Variants in CSMD3 observed in about 807,000 individuals in gnomAD.
The protein encoded by CSMD3 is CUB and sushi domain-containing protein 3.
A neutral mutation model predicts 435.2 loss-of-function variants in CSMD3; 177 were observed. The observed-to-expected ratio is 0.41, with a 90% CI of 0.36 to 0.46. The LOEUF is 0.46. Among genes scored for constraint, CSMD3 ranks in the 20% least tolerant of loss-of-function variants. The pLI is 0.34. For missense variants in CSMD3, 4,265 were observed against 4,504.6 expected (o/e 0.95, Z 1.52); for synonymous variants, 1,656 against 1,520.5 (o/e 1.09, Z -2.07).
chr8:112,583,020 G>A (rs975018120), intron 23 of CSMD3, among the ~76,000 whole-genome samples: 13 of 151,996 alleles, frequency 8.6e-5, no homozygotes, highest in Non-Finnish European at 7.4e-5. Context: ...TGTTATAACA[G>A]CTCACATGAT....
In CSMD3 at chr8:112,550,685, G is replaced by A. The variant is rs1429288035; in HGVS notation, c.4550C>T (p.Ala1517Val). The A allele has an allele frequency of 6.3e-7, 1 of 1,597,082 alleles. No individual in the cohort carries two copies. The highest frequency in any genetic ancestry group is 1.7e-5 in the Admixed American group (1 of 59,840). Residue 1517 changes from alanine to valine, a missense_variant, in exon 27 of 71, where the codon GCA (alanine) becomes GTA (valine). By Grantham distance (64) the Ala-to-Val change is moderately conservative (BLOSUM62 0). This residue lies in a region of CSMD3 where 3,255 missense variants were observed against 3,380.2 expected (regional missense o/e 0.96). Transcript: ENST00000297405. ...AAAAAACTTACTTGAAAACTGAATTGCAAATCCAGATTTGCTAATATAAAA... is the reference window on the plus strand; with the variant it reads ...AAAAAACTTACTTGAAAACTGAATTACAAATCCAGATTTGCTAATATAAAA... ...TDFYISKSGF[A>V]IQFSSSVATA...
chr8:112,402,880 G>T (rs1464881386), intron 35 of CSMD3, among the ~76,000 whole-genome samples: 5 of 152,022 alleles, frequency 3.3e-5, no homozygotes, highest in African/African-American at 1.2e-4. Flanking sequence ...GATTCCTTTA[G>T]TTCAGAATGT....
intron 28 of CSMD3, among the ~76,000 whole-genome samples, chr8:112,513,583 G>A (rs1206846561): frequency 6.6e-6 from 1 of 152,122 alleles, no homozygotes; most frequent in African/African-American, 2.4e-5. Context: ...TTGAAATATT[G>A]TGAGAATTAC....
chr8:112,415,853 T>C (rs1811856740), intron 32 of CSMD3, among the ~76,000 whole-genome samples: 1 of 152,182 alleles, frequency 6.6e-6, no homozygotes, highest in East Asian at 1.9e-4. Flanking sequence ...CTGTAGCCCT[T>C]TTGTTTTGGC....
At chr8:113,142,856 A>T (rs977703852) in intron 4 of CSMD3, among the ~76,000 whole-genome samples, 1 of 111,836 alleles carries the variant, frequency 8.9e-6, no homozygotes, top group South Asian at 2.9e-4. Flanking sequence ...TTATCTTCTG[A>T]ACTCCTTAAA....
intron 10 of CSMD3, among the ~76,000 whole-genome samples, chr8:112,863,400 C>T (rs1377819971): frequency 2.6e-5 from 4 of 151,604 alleles, no homozygotes; most frequent in East Asian, 3.9e-4. Context: ...CTATATTATT[C>T]GTCATGAACT....
At chr8:112,286,002 T>C (rs1303982126) in intron 58 of CSMD3, among the ~76,000 whole-genome samples, 2 of 152,092 alleles carry the variant, frequency 1.3e-5, no homozygotes, top group African/African-American at 4.8e-5. Context: ...GTTTACAGGC[T>C]TCAGCCACAA....
At chr8:113,303,792 C>T (rs1294455102) in intron 2 of CSMD3, among the ~76,000 whole-genome samples, 5 of 139,664 alleles carry the variant, frequency 3.6e-5, no homozygotes, top group Middle Eastern at 3.5e-3. Flanking sequence ...AACGTTAGAC[C>T]TAAAACCATA....
chr8:113,063,102 C>T lies in CSMD3; in HGVS notation c.917+35654G>A, dbSNP rs115243692. 8.3e-3 allele frequency among the ~76,000 whole-genome samples: 1,255 copies of T among 151,488 alleles called. 30 individuals are homozygous for T. Among genetic ancestry groups the T allele is most frequent in the African/African-American group, 0.029 (1,187 of 41,424 alleles). ...AAAATTCAAATGTTTCAATCACATT[C>T]CCTACAAATATTTTACATTTGAAGT... is the stretch of plus-strand genomic sequence containing the variant. On this transcript the variant is annotated intron_variant, in intron 5 of 70. Transcript: ENST00000297405.
intron 2 of CSMD3, among the ~76,000 whole-genome samples, chr8:113,287,066 G>C (rs2093652030): frequency 6.6e-6 from 1 of 152,012 alleles, no homozygotes; most frequent in Non-Finnish European, 1.5e-5. Flanking sequence ...ATGATCTAGT[G>C]TACTTTTTGG....
intron 2 of CSMD3, among the ~76,000 whole-genome samples, chr8:113,279,636 T>A (rs138580356): frequency 7.2e-5 from 11 of 151,936 alleles, no homozygotes; most frequent in Middle Eastern, 3.4e-3. Flanking sequence ...AGATTTGTTT[T>A]GTTTTTTTAA....
intron 5 of CSMD3, among the ~76,000 whole-genome samples, chr8:113,030,560 C>A (rs72683853): frequency 6.7e-6 from 1 of 150,102 alleles, no homozygotes; most frequent in African/African-American, 2.4e-5. Flanking sequence ...AGTAAATCTA[C>A]GAAACACTTA....
chr8:113,049,731 A>T (rs1342081707), intron 5 of CSMD3, among the ~76,000 whole-genome samples: 2 of 152,202 alleles, frequency 1.3e-5, no homozygotes, highest in African/African-American at 4.8e-5. Context: ...ATTAAAAATG[A>T]TCTTAGAAAG....
At chr8:113,179,112 T>C (rs2092387689) in intron 3 of CSMD3, among the ~76,000 whole-genome samples, 1 of 151,740 alleles carries the variant, frequency 6.6e-6, no homozygotes, top group African/African-American at 2.4e-5. Flanking sequence ...AAACGGATTA[T>C]CAAAATTAAT....
intron 5 of CSMD3, among the ~76,000 whole-genome samples, chr8:113,069,403 T>C (rs1236158763): frequency 6.6e-6 from 1 of 152,160 alleles, no homozygotes; most frequent in Non-Finnish European, 1.5e-5. Context: ...GTTATAGTTA[T>C]ATAGTAATAT....
At chr8:113,406,920 G>A (rs540305869) in intron 1 of CSMD3, among the ~76,000 whole-genome samples, 2 of 152,138 alleles carry the variant, frequency 1.3e-5, no homozygotes, top group South Asian at 2.1e-4. Flanking sequence ...TTAAATTTAT[G>A]GTAGCCTGCA....
chr8:112,617,549 C>G (rs1833756451), intron 22 of CSMD3, among the ~76,000 whole-genome samples: 1 of 152,106 alleles, frequency 6.6e-6, no homozygotes, highest in South Asian at 2.1e-4. Flanking sequence ...AATAAAAAGT[C>G]TCCTTTCTTC....
At chr8:112,997,761 G>A (rs2085708959) in intron 6 of CSMD3, among the ~76,000 whole-genome samples, 1 of 151,028 alleles carries the variant, frequency 6.6e-6, no homozygotes, top group Non-Finnish European at 1.5e-5. Flanking sequence ...TACCAATAAA[G>A]GAGTTAGAGT....
chr8:113,135,690 A>C (rs2091400706), intron 4 of CSMD3, among the ~76,000 whole-genome samples: 1 of 151,910 alleles, frequency 6.6e-6, no homozygotes, highest in African/African-American at 2.4e-5. Context: ...AAATTTATTT[A>C]TATATTTTTC....
Sources: allele counts gnomAD v4.1 joint callset (sites outside exome capture counted in the v4.1 genomes callset), GRCh38; gene constraint gnomAD v4.1.1; regional missense constraint gnomAD v4.1.1; transcripts MANE v1.5; gene names NCBI Gene and HGNC (gene_info 2026-07-23, HGNC 2026-07-21).